Variants in CPQ observed in about 807,000 individuals in gnomAD.
The protein encoded by CPQ is carboxypeptidase Q.
CPQ carries 37 observed loss-of-function variants against 45.7 expected under a neutral mutation model. The observed-to-expected ratio is 0.81, with a 90% CI of 0.62 to 1.07. CPQ has a LOEUF of 1.07. Among genes scored for constraint, CPQ ranks in the 50% least tolerant of loss-of-function variants. CPQ has a pLI of 0.00. For missense variants in CPQ, 537 were observed against 572.9 expected (o/e 0.94, Z 0.64); for synonymous variants, 186 against 205.8 (o/e 0.90, Z 0.82).
intron 4 of CPQ, among the ~76,000 whole-genome samples, chr8:96,931,014 T>G (rs934947799): frequency 1.3e-5 from 2 of 152,194 alleles, no homozygotes; most frequent in Non-Finnish European, 2.9e-5. Flanking sequence ...AAGAGTGTTC[T>G]TCCCCTGTCT....
At chr8:96,845,633 G>A (rs1418320066) in intron 3 of CPQ, among the ~76,000 whole-genome samples, 1 of 151,894 alleles carries the variant, frequency 6.6e-6, no homozygotes, top group Non-Finnish European at 1.5e-5. Flanking sequence ...CAGACACAAG[G>A]CACAATGCCT....
At chr8:96,865,101 T>A (rs1279003376) in intron 3 of CPQ, among the ~76,000 whole-genome samples, 1 of 151,922 alleles carries the variant, frequency 6.6e-6, no homozygotes, top group Non-Finnish European at 1.5e-5. Flanking sequence ...ATAATAATAA[T>A]AAAATAATAA....
intron 1 of CPQ, among the ~76,000 whole-genome samples, chr8:96,766,752 C>G (rs768279554): frequency 2.0e-5 from 3 of 152,176 alleles, no homozygotes; most frequent in Non-Finnish European, 4.4e-5. Context: ...CCACTCTTGG[C>G]CAGGCACTAA....
At chr8:96,761,125 T>G (rs1810399197) in intron 1 of CPQ, 1 of 152,210 alleles carries the variant, frequency 6.6e-6, no homozygotes, top group South Asian at 2.1e-4. Context: ...TGTCAAAATG[T>G]GGAAGTGGTG....
At chr8:96,943,542 C>A (rs1056230200) in intron 4 of CPQ, among the ~76,000 whole-genome samples, 3 of 152,068 alleles carry the variant, frequency 2.0e-5, no homozygotes, top group African/African-American at 7.2e-5. Context: ...GTTAAGAAAC[C>A]AAGGCACAGG....
At chr8:96,648,096 A>G (rs935980481) in intron 1 of CPQ, among the ~76,000 whole-genome samples, 2 of 152,242 alleles carry the variant, frequency 1.3e-5, no homozygotes, top group Non-Finnish European at 2.9e-5. Context: ...TGAAGAGAGC[A>G]AAAGACGAAA....
At chr8:97,134,957 T>C (rs1015035142) in intron 7 of CPQ, among the ~76,000 whole-genome samples, 5 of 152,176 alleles carry the variant, frequency 3.3e-5, no homozygotes, top group Admixed American at 6.5e-5. Flanking sequence ...CATCTTCATG[T>C]AGTACTGATT....
At chr8:96,807,601 A>C (rs1811101678) in intron 2 of CPQ, among the ~76,000 whole-genome samples, 1 of 152,218 alleles carries the variant, frequency 6.6e-6, no homozygotes, top group Non-Finnish European at 1.5e-5. Flanking sequence ...TATTGTATGC[A>C]CATTCCTTTT....
At chr8:97,072,057 T>A (rs140504704) in intron 7 of CPQ, among the ~76,000 whole-genome samples, 158 of 152,234 alleles carry the variant, frequency 1.0e-3, no homozygotes, top group African/African-American at 3.7e-3. Flanking sequence ...AAAACAAGTT[T>A]CTTAAACTCC....
intron 7 of CPQ, among the ~76,000 whole-genome samples, chr8:97,077,960 G>GA (rs1287991112): frequency 6.6e-6 from 1 of 152,148 alleles, no homozygotes; most frequent in African/African-American, 2.4e-5. Context: ...AAGAAGGTAG[G>GA]ATAAATGCCT....
rs1230430015 is a variant in CPQ, at chr8:96,890,809, AC to A, written c.849+10805del. On this transcript the variant is annotated intron_variant, in intron 4 of 7. Transcript: ENST00000220763. The stretch of plus-strand genomic sequence containing the variant: ...GCCAGCAGAATATAATGTAGCAGGA[AC>A]AGAAAACAAGAATTTTGCTAGTGGG... Among the ~76,000 whole-genome samples the A allele has an allele frequency of 1.2e-4, 19 of 152,318 alleles. No homozygotes were observed. The East Asian group carries it at 3.3e-3, about 26-fold the overall frequency.
intron 5 of CPQ, among the ~76,000 whole-genome samples, chr8:96,990,814 G>T (rs1472160855): frequency 6.6e-6 from 1 of 152,186 alleles, no homozygotes; most frequent in Non-Finnish European, 1.5e-5. Context: ...GGACTGGGTA[G>T]CAGGTGACCC....
Position 97,115,139 on chromosome 8 carries a change from T to G in CPQ, c.1256-27881T>G, listed in dbSNP as rs553709009. Among the ~76,000 whole-genome samples the G allele has an allele frequency of 3.9e-5, 6 of 152,326 alleles. No individual in the cohort carries two copies. The East Asian group carries it at 1.2e-3, about 29-fold the overall frequency. ...GCCTTCTCATTGTTTCAGCAAAAGC[T>G]TATTAGCATCCTGCTCCCTAGAAGA... On this transcript the variant is annotated intron_variant, in intron 7 of 7. Coordinates refer to ENST00000220763, the MANE Select transcript of CPQ (RefSeq NM_016134.4).
chr8:96,911,338 A>G (rs914991632), intron 4 of CPQ, among the ~76,000 whole-genome samples: 1 of 152,252 alleles, frequency 6.6e-6, no homozygotes, highest in Non-Finnish European at 1.5e-5. Flanking sequence ...TGCCAAGTTT[A>G]TGTTTAGTCC....
chr8:96,830,580 G>A lies in CPQ; in HGVS notation c.434-4393G>A, dbSNP rs571509695. On this transcript the variant is annotated intron_variant, in intron 2 of 7. Transcript: ENST00000220763. ...GTGATATAATAGACTATAGCCAAAA[G>A]AGTTACTTTATAGTGAGTATTTTTA... is the stretch of plus-strand genomic sequence containing the variant. Among the ~76,000 whole-genome samples, 10 of 152,212 alleles carry A rather than the reference G, an allele frequency of 6.6e-5. 1 individual carries two copies. The East Asian group carries it at 1.2e-3, about 18-fold the overall frequency.
In CPQ at chr8:96,873,854, T is replaced by C. The variant is rs144943483; in HGVS notation, c.642-5944T>C. ...ATAAGCTGACACTCACTTTCAAGGA[T>C]TGATTTGAGCTTTGCAAATTTTGAA... On this transcript the variant is annotated intron_variant, in intron 3 of 7. Transcript: ENST00000220763. 7.3e-4 allele frequency among the ~76,000 whole-genome samples: 111 copies of C among 151,960 alleles called. 2 individuals carry two copies. In the East Asian group the frequency reaches 0.017, roughly 23 times the overall value.
At chr8:96,676,731 T>G (rs1809081334) in intron 1 of CPQ, among the ~76,000 whole-genome samples, 1 of 152,070 alleles carries the variant, frequency 6.6e-6, no homozygotes. Flanking sequence ...GCTACATGGA[T>G]AGGCTGTTTA....
intron 4 of CPQ, among the ~76,000 whole-genome samples, chr8:96,921,863 A>C (rs1025908015): frequency 2.6e-5 from 4 of 152,216 alleles, no homozygotes; most frequent in Non-Finnish European, 4.4e-5. Context: ...AATTAAAGTT[A>C]CAACGGTGAC....
At chr8:97,076,414 C>T (rs1293261538) in intron 7 of CPQ, among the ~76,000 whole-genome samples, 1 of 151,692 alleles carries the variant, frequency 6.6e-6, no homozygotes, top group African/African-American at 2.4e-5. Context: ...CAATATATGG[C>T]CAGTTTTCAA....
Sources: allele counts gnomAD v4.1 joint callset (sites outside exome capture counted in the v4.1 genomes callset), GRCh38; gene constraint gnomAD v4.1.1; transcripts MANE v1.5; gene names NCBI Gene and HGNC (gene_info 2026-07-23, HGNC 2026-07-21).